Variants in BCL11A observed in about 807,000 individuals in gnomAD.
The protein encoded by BCL11A is BCL11 transcription factor A.
A neutral mutation model predicts 55.9 loss-of-function variants in BCL11A; 2 were observed. The observed-to-expected ratio is 0.04, with a 90% CI of 0.01 to 0.11. BCL11A has a LOEUF of 0.11. Ranked by LOEUF, BCL11A falls within the 10% of genes least tolerant of loss-of-function variation. The pLI is 1.00. For synonymous variants in BCL11A, 465 were observed against 473.4 expected (o/e 0.98, Z 0.23); for missense variants, 817 against 1,137.1 (o/e 0.72, Z 4.05).
At chr2:60,451,331 G>C (rs773416857) in exon 5 of BCL11A, 2 of 227,966 alleles carry the variant, frequency 8.8e-6, no homozygotes, top group Non-Finnish European at 1.7e-5. Flanking sequence ...AGGTGTCTGA[G>C]CTCTATTATT....
Position 60,459,782 on chromosome 2 carries a change from C to T in BCL11A, c.*622G>A. ...TCCTTTCCAATTGATACATTTAACCCTTTAGAGACAGACATTTAGCTCATA... is the reference window on the plus strand; with the variant it reads ...TCCTTTCCAATTGATACATTTAACCTTTTAGAGACAGACATTTAGCTCATA... On this transcript the variant is annotated 3_prime_UTR_variant, in exon 4 of 4. Transcript: ENST00000642384. 1.9e-6 allele frequency: 2 copies of T among 1,042,148 alleles called. No individual in the cohort carries two copies. Among genetic ancestry groups the T allele is most frequent in the Non-Finnish European group, 1.2e-6 (1 of 864,640 alleles). The allele number at this position is 1,042,148 out of a possible 1,614,324, so 64.6% of individuals were successfully genotyped here.
chr2:60,538,768 TG>T (rs1389778505), intron 2 of BCL11A, among the ~76,000 whole-genome samples: 17 of 151,806 alleles, frequency 1.1e-4, no homozygotes, highest in African/African-American at 4.1e-4. Flanking sequence ...TGTGTGTGTG[TG>T]TGTGTGTGTG....
chr2:60,497,478 C>T (rs1373927443), intron 2 of BCL11A, among the ~76,000 whole-genome samples: 1 of 152,132 alleles, frequency 6.6e-6, no homozygotes, highest in African/African-American at 2.4e-5. Context: ...CTTAAACTGC[C>T]GCTCCTGAAT....
Position 60,459,270 on chromosome 2 carries a change from C to G in BCL11A, c.*1134G>C. The G allele has an allele frequency of 9.8e-7, 1 of 1,017,426 alleles. No homozygotes were observed. Among genetic ancestry groups the G allele is most frequent in the Non-Finnish European group, 1.2e-6 (1 of 848,144 alleles). The allele number at this position is 1,017,426 out of a possible 1,614,324, so 63.0% of individuals were successfully genotyped here. ...GATCTGGATCTATTTCTTTTGGTGC[C>G]AGTATTTTTAAAAAGACATTATTAA... On this transcript the variant is annotated 3_prime_UTR_variant, in exon 4 of 4. Transcript: ENST00000642384.
At chr2:60,513,396 T>A (rs1668576961) in intron 2 of BCL11A, among the ~76,000 whole-genome samples, 1 of 152,116 alleles carries the variant, frequency 6.6e-6, no homozygotes, top group African/African-American at 2.4e-5. Context: ...AGATGCTGCC[T>A]CCACGCCCCA....
At chr2:60,485,475 C>T (rs755682110) in intron 2 of BCL11A, among the ~76,000 whole-genome samples, 1 of 152,236 alleles carries the variant, frequency 6.6e-6, no homozygotes, top group Non-Finnish European at 1.5e-5. Flanking sequence ...AAAAACAGAA[C>T]GGTGTGAGCC....
At chr2:60,518,798 C>T (rs1668848300) in intron 2 of BCL11A, among the ~76,000 whole-genome samples, 1 of 152,304 alleles carries the variant, frequency 6.6e-6, no homozygotes, top group African/African-American at 2.4e-5. Flanking sequence ...TCATCAATTA[C>T]TGTTCAAGTT....
intron 3 of BCL11A, among the ~76,000 whole-genome samples, chr2:60,467,153 G>GTGA (rs1676697396): frequency 7.6e-6 from 1 of 131,574 alleles, no homozygotes; most frequent in Non-Finnish European, 1.6e-5. Flanking sequence ...GGTGATGGTG[G>GTGA]TGGTGGTGGT....
intron 2 of BCL11A, among the ~76,000 whole-genome samples, chr2:60,504,547 A>G (rs115418712): frequency 0.011 from 1,746 of 152,310 alleles, 28 homozygotes; most frequent in African/African-American, 0.04. Context: ...GGACACCCAG[A>G]AAAAATAATC....
intron 2 of BCL11A, chr2:60,527,258 G>A (rs537641099): frequency 2.6e-5 from 4 of 152,206 alleles, no homozygotes; most frequent in Admixed American, 6.5e-5. Flanking sequence ...TAGGGGGTGC[G>A]AGCGAGGGAA....
downstream of BCL11A, among the ~76,000 whole-genome samples, chr2:60,456,226 T>C (rs1675926797): frequency 6.6e-6 from 1 of 152,176 alleles, no homozygotes; most frequent in Admixed American, 6.5e-5. Flanking sequence ...TTTGTTTTGG[T>C]TTTTTACAAA....
intron 3 of BCL11A, among the ~76,000 whole-genome samples, chr2:60,467,665 ACTGGTGGTGATG>A (rs1676850284): frequency 2.7e-5 from 1 of 36,906 alleles, no homozygotes; most frequent in Non-Finnish European, 5.2e-5. Flanking sequence ...TGGTGATGGT[ACTGGTGGTGATG>A]GTGATGGTGG....
chr2:60,473,078 C>G (rs771542823), intron 2 of BCL11A, among the ~76,000 whole-genome samples: 2 of 147,712 alleles, frequency 1.4e-5, no homozygotes, highest in Non-Finnish European at 3.1e-5. Flanking sequence ...TATATTGTGA[C>G]TGTGTGCATG....
chr2:60,528,255 G>C (rs1267510008), intron 2 of BCL11A: 1 of 152,506 alleles, frequency 6.6e-6, no homozygotes, highest in Non-Finnish European at 1.5e-5. Flanking sequence ...ACAACACACA[G>C]AACTGCTGCA....
At chr2:60,467,938 G>A (rs1343349791) in intron 3 of BCL11A, among the ~76,000 whole-genome samples, 13 of 135,212 alleles carry the variant, frequency 9.6e-5, no homozygotes, top group Non-Finnish European at 6.7e-5. Context: ...TAGTGATGGT[G>A]GTGGTGGTGA....
In BCL11A at chr2:60,460,464, C is replaced by T. The variant is rs1008925659; in HGVS notation, c.2448G>A (p.Glu816=). The change falls in exon 4 of 4, where the codon GAG becomes GAA. Residue 816 remains glutamate, a synonymous_variant. Transcript: ENST00000642384. Reference sequence around the variant, plus strand: ...CACTGTGCCATTTTTTCATGTGTTTCTCCAGGGTACTGTACACGCTAAAAG... The same window carrying T: ...CACTGTGCCATTTTTTCATGTGTTTTTCCAGGGTACTGTACACGCTAAAAG... ...KMPFSVYSTL[E]KHMKKWHSDR... 1 of 1,610,390 alleles carries T rather than the reference C, an allele frequency of 6.2e-7. No homozygotes were observed.
chr2:60,484,643 A>C (rs1678162441), intron 2 of BCL11A, among the ~76,000 whole-genome samples: 1 of 152,078 alleles, frequency 6.6e-6, no homozygotes. Flanking sequence ...TGTACTTCCA[A>C]CATGGCTCAC....
chr2:60,487,205 A>C (rs1678329467), intron 2 of BCL11A, among the ~76,000 whole-genome samples: 1 of 152,222 alleles, frequency 6.6e-6, no homozygotes, highest in African/African-American at 2.4e-5. Context: ...TAATCAATGA[A>C]AGAGTAAGAT....
chr2:60,500,378 C>T (rs1373052330), intron 2 of BCL11A, among the ~76,000 whole-genome samples: 3 of 152,160 alleles, frequency 2.0e-5, no homozygotes, highest in Non-Finnish European at 4.4e-5. Flanking sequence ...CACCATTAAC[C>T]GTGCCTCTGT....
Sources: allele counts gnomAD v4.1 joint callset (sites outside exome capture counted in the v4.1 genomes callset), GRCh38; gene constraint gnomAD v4.1.1; transcripts MANE v1.5; gene names NCBI Gene and HGNC (gene_info 2026-07-23, HGNC 2026-07-21).